The following MED13L variants were observed in gnomAD, a reference collection of about 807,000 sequenced individuals.
MED13L encodes mediator of RNA polymerase II transcription subunit 13-like.
Under a neutral mutation model 220.9 loss-of-function variants are expected in MED13L, and 7 were observed. The observed-to-expected ratio is 0.03, with a 90% CI of 0.02 to 0.06. The LOEUF is 0.06. Among genes scored for constraint, MED13L ranks in the 10% least tolerant of loss-of-function variants. The pLI is 1.00. For missense variants in MED13L, 1,965 were observed against 2,760.5 expected, an observed-to-expected ratio of 0.71 and a Z score of 6.46; for synonymous variants, 1,011 against 1,015.2, an observed-to-expected ratio of 1.00 and a Z score of 0.08.
intron 4 of MED13L, among the ~76,000 whole-genome samples, chr12:116,038,712 C>G (rs1375772220): frequency 8.8e-6 from 1 of 113,884 alleles, no homozygotes; most frequent in Non-Finnish European, 1.6e-5. Flanking sequence ...TCAACAGCAG[C>G]AAGCAGGACT....
intron 28 of MED13L, among the ~76,000 whole-genome samples, chr12:115,967,196 A>AAAAAAC (rs1876238549): frequency 6.7e-6 from 1 of 150,236 alleles, no homozygotes; most frequent in East Asian, 1.9e-4. Flanking sequence ...AAAAAAAAAA[A>AAAAAAC]CCTTCTGTTT....
At chr12:116,037,144 A>G (rs572943719) in intron 4 of MED13L, among the ~76,000 whole-genome samples, 51 of 152,300 alleles carry the variant, frequency 3.3e-4, no homozygotes, top group Admixed American at 8.5e-4. Context: ...ATTACAATAC[A>G]AAAGCGCCTC....
chr12:116,133,360 T>C (rs1876245566), intron 2 of MED13L, among the ~76,000 whole-genome samples: 1 of 152,216 alleles, frequency 6.6e-6, no homozygotes, highest in East Asian at 1.9e-4. Flanking sequence ...GGACTCTTAA[T>C]GTTAAGAGGA....
At chr12:116,246,856 GGGGAGGT>G (rs1871141970) in intron 1 of MED13L, among the ~76,000 whole-genome samples, 2 of 82,934 alleles carry the variant, frequency 2.4e-5, no homozygotes, top group Non-Finnish European at 2.5e-5. Flanking sequence ...GGAGGGAGGT[GGGGAGGT>G]GGGGAGAGGA....
intron 2 of MED13L, among the ~76,000 whole-genome samples, chr12:116,142,680 C>T (rs941986324): frequency 4.6e-5 from 7 of 151,844 alleles, no homozygotes; most frequent in African/African-American, 1.7e-4. Context: ...AAGAGTGAGG[C>T]CCAGTCTCCA....
At chr12:115,971,395 C>G (rs1420330736) in intron 26 of MED13L, among the ~76,000 whole-genome samples, 1 of 152,202 alleles carries the variant, frequency 6.6e-6, no homozygotes, top group Admixed American at 6.5e-5. Context: ...CATTCTCACA[C>G]CACAATACTG....
At chr12:116,246,683 C>T in intron 1 of MED13L, among the ~76,000 whole-genome samples, 1 of 138,170 alleles carries the variant, frequency 7.2e-6, no homozygotes, top group Non-Finnish European at 1.5e-5. Flanking sequence ...TTGTGGCACA[C>T]ATATGTAGTC....
At chr12:115,981,166 T>A (rs1179840034) in intron 22 of MED13L, among the ~76,000 whole-genome samples, 1 of 152,204 alleles carries the variant, frequency 6.6e-6, no homozygotes, top group Non-Finnish European at 1.5e-5. Flanking sequence ...GATGTACGAT[T>A]ATGTTGGTCA....
At chr12:116,006,468 A>G in intron 11 of MED13L, 57 bp from the exon 12 acceptor site, 2 of 1,323,038 alleles carry the variant, frequency 1.5e-6, no homozygotes, top group Middle Eastern at 1.8e-4. Flanking sequence ...AGTGTGAAAT[A>G]TGAGGGAGAA....
rs368506747 is a variant in MED13L at position 116,089,492 on chromosome 12, C to A, written c.479+7177G>T. ...AAACATACCATAAGTATTACAGTATCCTTTTAGGATTAGTAATAGAGGTGG... is the reference window on the plus strand; with the variant it reads ...AAACATACCATAAGTATTACAGTATACTTTTAGGATTAGTAATAGAGGTGG... On this transcript the variant is annotated intron_variant, in intron 4 of 30. Coordinates refer to ENST00000281928, the MANE Select transcript of MED13L (RefSeq NM_015335.5). Among the ~76,000 whole-genome samples, 10 of 152,150 alleles carry A rather than the reference C, an allele frequency of 6.6e-5. No homozygotes were observed. In the South Asian group the frequency reaches 1.2e-3, roughly 19 times the overall value.
chr12:115,964,264 G>A (rs986839146), intron 29 of MED13L, among the ~76,000 whole-genome samples: 4 of 152,106 alleles, frequency 2.6e-5, no homozygotes, highest in African/African-American at 9.7e-5. Context: ...CCATCTGTAG[G>A]ATAATGAGGA....
At chr12:116,144,497 A>T (rs1877323334) in intron 2 of MED13L, among the ~76,000 whole-genome samples, 1 of 152,156 alleles carries the variant, frequency 6.6e-6, no homozygotes, top group African/African-American at 2.4e-5. Context: ...TTACCCCAAA[A>T]CATAAAATCT....
At chr12:116,208,692 A>T (rs1882507432) in intron 2 of MED13L, among the ~76,000 whole-genome samples, 2 of 152,244 alleles carry the variant, frequency 1.3e-5, no homozygotes, top group African/African-American at 4.8e-5. Context: ...CTGGCTGGAT[A>T]TAGTGGTTCA....
intron 2 of MED13L, among the ~76,000 whole-genome samples, chr12:116,161,677 G>A (rs1192157070): frequency 1.3e-5 from 2 of 152,124 alleles, no homozygotes; most frequent in Admixed American, 1.3e-4. Flanking sequence ...CAAGAGTGCT[G>A]ACTAAAACAC....
rs919672504 is a variant in MED13L, at chr12:116,227,471, T to C, written c.310+9997A>G. 3.3e-5 allele frequency among the ~76,000 whole-genome samples: 5 copies of C among 152,230 alleles called. No individual in the cohort carries two copies. The East Asian group carries it at 5.8e-4, about 18-fold the overall frequency. ...TCAGCGCCATTTTTCAAAAAGCATGTGCTCAATTCTTGTGTCTGTGTCACA... is the reference window on the plus strand; with the variant it reads ...TCAGCGCCATTTTTCAAAAAGCATGCGCTCAATTCTTGTGTCTGTGTCACA... On this transcript the variant is annotated intron_variant, in intron 2 of 30. Transcript: ENST00000281928.
chr12:116,248,923 C>CA (rs1164842866), intron 1 of MED13L, among the ~76,000 whole-genome samples: 1 of 152,162 alleles, frequency 6.6e-6, no homozygotes, highest in African/African-American at 2.4e-5. Flanking sequence ...ACAGGGAGTA[C>CA]AGAGCTAGAC....
Position 116,277,397 on chromosome 12 carries a change from A to AGCCGCC in MED13L, c.-272_-267dup, listed in dbSNP as rs1049814569. 5.5e-4 allele frequency: 7 copies of AGCCGCC among 12,828 alleles called. No individual in the cohort carries two copies. In the African/African-American group the frequency reaches 6.6e-3, roughly 12 times the overall value. The allele number at this position is 12,828 out of a possible 1,614,324, so 0.8% of individuals were successfully genotyped here. On this transcript the variant is annotated 5_prime_UTR_variant, in exon 1 of 31. Coordinates refer to ENST00000281928, the MANE Select transcript of MED13L (RefSeq NM_015335.5). Reference sequence around the variant, plus strand: ...ACCGCCTCCGCCTTCCCTGCTCCTCAGCCGCCGCCGCCGCCGCTGCTGCCG... The same window carrying AGCCGCC: ...ACCGCCTCCGCCTTCCCTGCTCCTCAGCCGCCGCCGCCGCCGCCGCCGCTGCTGCCG...
intron 3 of MED13L, among the ~76,000 whole-genome samples, chr12:116,109,059 CCTTT>C (rs1873847722): frequency 8.3e-6 from 1 of 120,380 alleles, no homozygotes; most frequent in Non-Finnish European, 1.7e-5. Flanking sequence ...TAATTAATTT[CCTTT>C]TTTTTTTTTT....
chr12:116,005,941 C>T lies in MED13L; in HGVS notation c.2397G>A (p.Gln799=), dbSNP rs1879018486. ...AGRAGSSSLT[Q]VTDLAPSLHD... ...GCAGGGAAGGTGCCAAATCTGTTAC[C>T]TGTGTAAGGCTACTGGAGCCAGCTC... The change falls in exon 13 of 31, where the codon CAG becomes CAA. Residue 799 remains glutamine, a synonymous_variant. Transcript: ENST00000281928. 1 of 1,613,944 alleles carries T rather than the reference C, an allele frequency of 6.2e-7. No individual in the cohort carries two copies. Among genetic ancestry groups the T allele is most frequent in the Non-Finnish European group, 8.5e-7 (1 of 1,179,876 alleles).
Sources: gnomAD v4.1 joint callset for allele counts (sites outside exome capture counted in the v4.1 genomes callset) on GRCh38, gnomAD v4.1.1 for gene constraint, MANE v1.5 for transcripts, NCBI Gene and HGNC (gene_info 2026-07-23, HGNC 2026-07-21) for gene names.